ERBB4: variants seen among roughly 807,000 people sequenced by gnomAD.
The protein encoded by ERBB4 is erb-b2 receptor tyrosine kinase 4.
ERBB4 carries 42 observed loss-of-function variants against 158.0 expected under a neutral mutation model. The observed-to-expected ratio is 0.27, with a 90% CI of 0.21 to 0.34. ERBB4 has a LOEUF of 0.34. ERBB4 is among the 10% of genes least tolerant of loss of function. The pLI, the probability that ERBB4 is intolerant of heterozygous loss-of-function variation, is 1.00. For synonymous variants in ERBB4, 583 were observed against 558.7 expected, an observed-to-expected ratio of 1.04 and a Z score of -0.61; for missense variants, 1,333 against 1,624.1, an observed-to-expected ratio of 0.82 and a Z score of 3.08.
At chr2:212,236,881 C>A (rs2083899755) in intron 1 of ERBB4, among the ~76,000 whole-genome samples, 1 of 152,024 alleles carries the variant, frequency 6.6e-6, no homozygotes, top group South Asian at 2.1e-4. Flanking sequence ...GTCTGGCTAG[C>A]AGTCTATCTA....
chr2:212,366,519 T>C (rs1200246471), intron 1 of ERBB4, among the ~76,000 whole-genome samples: 3 of 152,108 alleles, frequency 2.0e-5, no homozygotes, highest in East Asian at 1.9e-4. Context: ...GGGAGATCTA[T>C]GGCTACCACA....
chr2:212,011,243 C>T (rs1454523427), intron 2 of ERBB4, among the ~76,000 whole-genome samples: 1 of 152,170 alleles, frequency 6.6e-6, no homozygotes, highest in Non-Finnish European at 1.5e-5. Context: ...GAAATCATCA[C>T]AATTTATGTC....
intron 12 of ERBB4, among the ~76,000 whole-genome samples, chr2:211,690,301 TCTTGTCCCTTCCC>T (rs1352639019): frequency 6.6e-6 from 1 of 152,130 alleles, no homozygotes; most frequent in Admixed American, 6.6e-5. Flanking sequence ...ATCTTCTCCC[TCTTGTCCCTTCCC>T]CTTACCTCTG....
At chr2:211,991,640 G>T (rs962255344) in intron 2 of ERBB4, among the ~76,000 whole-genome samples, 5 of 152,106 alleles carry the variant, frequency 3.3e-5, no homozygotes, top group Admixed American at 1.3e-4. Context: ...AACGACTATT[G>T]TAAAAATGTT....
chr2:211,380,474 A>G lies in ERBB4; in HGVS notation c.*3141T>C, dbSNP rs2062556107. 2 of 232,306 alleles carry G rather than the reference A, an allele frequency of 8.6e-6. No individual in the cohort carries two copies. Among genetic ancestry groups the G allele is most frequent in the East Asian group, 6.1e-5 (1 of 16,472 alleles). The allele number at this position is 232,306 out of a possible 1,614,324, so 14.4% of individuals were successfully genotyped here. ...TACATAATTGATTCTGCAAATTTCAATTGCTACAATTGGCCTCTGGAATCT... is the reference window on the plus strand; with the variant it reads ...TACATAATTGATTCTGCAAATTTCAGTTGCTACAATTGGCCTCTGGAATCT... On this transcript the variant is annotated 3_prime_UTR_variant, in exon 28 of 28. Transcript: ENST00000342788.
chr2:211,424,069 AC>A (rs921371204), intron 23 of ERBB4, 85 bp downstream of exon 23: 36 of 1,336,556 alleles, frequency 2.7e-5, no homozygotes, highest in Non-Finnish European at 3.7e-5. Flanking sequence ...ATTTTTCAAT[AC>A]AGAGAAATGT....
At chr2:212,146,472 A>T (rs1368507427) in intron 1 of ERBB4, among the ~76,000 whole-genome samples, 3 of 152,182 alleles carry the variant, frequency 2.0e-5, no homozygotes, top group Admixed American at 6.5e-5. Flanking sequence ...AGTATTCTTC[A>T]TTTGAAATTG....
In ERBB4 at chr2:211,860,936, T is replaced by A. The variant is rs13016477; in HGVS notation, c.422-72777A>T. 9.5e-3 allele frequency among the ~76,000 whole-genome samples: 743 copies of A among 78,618 alleles called. 6 individuals are homozygous for A. Among genetic ancestry groups the A allele is most frequent in the South Asian group, 0.024 (50 of 2,104 alleles). 51.6% of individuals were successfully genotyped at this position (78,618 alleles called of 152,430 possible). On this transcript the variant is annotated intron_variant, in intron 3 of 27. Transcript: ENST00000342788. Reference sequence around the variant, plus strand: ...AAAAAACAAAGACAATATATTACATTATATATATTTTATATATATATAAAT... The same window carrying A: ...AAAAAACAAAGACAATATATTACATAATATATATTTTATATATATATAAAT...
At chr2:212,120,087 G>C (rs1291955395) in intron 2 of ERBB4, among the ~76,000 whole-genome samples, 1 of 152,120 alleles carries the variant, frequency 6.6e-6, no homozygotes, top group Non-Finnish European at 1.5e-5. Flanking sequence ...GTCATCAGAA[G>C]TAGTGTAGGA....
At chr2:212,062,683 G>A (rs971549736) in intron 2 of ERBB4, among the ~76,000 whole-genome samples, 3 of 152,024 alleles carry the variant, frequency 2.0e-5, no homozygotes, top group Non-Finnish European at 4.4e-5. Flanking sequence ...GGGATTACAG[G>A]AGTGAGCCAC....
At chr2:211,912,850 C>T (rs1004214864) in intron 3 of ERBB4, among the ~76,000 whole-genome samples, 3 of 152,256 alleles carry the variant, frequency 2.0e-5, no homozygotes, top group Non-Finnish European at 4.4e-5. Flanking sequence ...TGAAAAGAAA[C>T]ATTTACCATC....
chr2:212,510,513 T>G (rs570127446), intron 1 of ERBB4, among the ~76,000 whole-genome samples: 1 of 152,054 alleles, frequency 6.6e-6, no homozygotes, highest in Admixed American at 6.5e-5. Flanking sequence ...TCCAATGATA[T>G]GATTTTACTG....
chr2:212,368,564 A>G (rs2089974633), intron 1 of ERBB4, among the ~76,000 whole-genome samples: 1 of 152,044 alleles, frequency 6.6e-6, no homozygotes, highest in Non-Finnish European at 1.5e-5. Context: ...CTTTACCCCA[A>G]TAACTTATGG....
At chr2:211,386,423 A>G (rs765509508) in intron 27 of ERBB4, among the ~76,000 whole-genome samples, 1 of 152,208 alleles carries the variant, frequency 6.6e-6, no homozygotes, top group Admixed American at 6.5e-5. Context: ...CAAATCTTTT[A>G]TTAGTGCCAT....
rs190244480 is a variant in ERBB4, at chr2:212,447,157, C to T, written c.82+91292G>A. Among the ~76,000 whole-genome samples the T allele has an allele frequency of 2.9e-3, 442 of 151,914 alleles. 6 individuals are homozygous for T. Among genetic ancestry groups the T allele is most frequent in the Admixed American group, 0.026 (395 of 15,234 alleles). ...GACTACAGGCACCCGCCACCATGCC[C>T]GGCTAATTTTTTGTATTTTTTAGTA... is the stretch of plus-strand genomic sequence containing the variant. On this transcript the variant is annotated intron_variant, in intron 1 of 27. Coordinates refer to ENST00000342788, the MANE Select transcript of ERBB4 (RefSeq NM_005235.3).
At position 211,889,019 on chromosome 2, in the gene ERBB4, A is replaced by G. The variant is rs1427455377; in HGVS notation, c.421+58411T>C. ...GCTTGCTTAGGTAAACAAAGCAGCC[A>G]GGAAGCTCGAACTGGGTAGAGCCCA... On this transcript the variant is annotated intron_variant, in intron 3 of 27. Coordinates refer to ENST00000342788, the MANE Select transcript of ERBB4 (RefSeq NM_005235.3). Among the ~76,000 whole-genome samples, 121 of 145,182 alleles carry G rather than the reference A, an allele frequency of 8.3e-4. 7 individuals are homozygous for G. The highest frequency in any genetic ancestry group is 3.4e-3 in the Middle Eastern group (1 of 290).
At chr2:212,071,043 T>C (rs2078100818) in intron 2 of ERBB4, among the ~76,000 whole-genome samples, 1 of 151,958 alleles carries the variant, frequency 6.6e-6, no homozygotes, top group Admixed American at 6.6e-5. Flanking sequence ...GACTCTGGCA[T>C]TAAGAAACTG....
chr2:212,413,513 T>C (rs1408844907), intron 1 of ERBB4, among the ~76,000 whole-genome samples: 5 of 152,266 alleles, frequency 3.3e-5, no homozygotes, highest in East Asian at 1.9e-4. Context: ...ATGGTGATCA[T>C]AATTAATAGT....
At chr2:211,419,262 AG>A (rs2063461310) in intron 25 of ERBB4, among the ~76,000 whole-genome samples, 1 of 152,086 alleles carries the variant, frequency 6.6e-6, no homozygotes, top group Non-Finnish European at 1.5e-5. Context: ...CTTTGAAAGA[AG>A]GGGATGATAA....
Sources: gnomAD v4.1 joint callset for allele counts (sites outside exome capture counted in the v4.1 genomes callset) on GRCh38, gnomAD v4.1.1 for gene constraint, MANE v1.5 for transcripts, NCBI Gene and HGNC (gene_info 2026-07-23, HGNC 2026-07-21) for gene names.